Variants in CDCA7L observed in about 807,000 individuals in gnomAD.
CDCA7L encodes cell division cycle associated 7 like.
CDCA7L carries 44 observed loss-of-function variants against 57.4 expected under a neutral mutation model. That is an observed-to-expected ratio of 0.77 (90% CI 0.60 to 0.98). The LOEUF (loss-of-function observed/expected upper bound fraction) is 0.98, where lower values mean the gene tolerates loss of function less well. CDCA7L is among the 50% of genes least tolerant of loss of function. The pLI, the probability that CDCA7L is intolerant of heterozygous loss-of-function variation, is 0.00. For missense variants in CDCA7L, 644 were observed against 580.6 expected, an observed-to-expected ratio of 1.11 and a Z score of -1.12; for synonymous variants, 236 against 202.8, an observed-to-expected ratio of 1.16 and a Z score of -1.39.
rs887845189 is a variant in CDCA7L, at chr7:21,945,890, G to T, written c.-86C>A. 2.1e-6 allele frequency: 3 copies of T among 1,438,934 alleles called. No homozygotes were observed. The highest frequency in any genetic ancestry group is 3.0e-5 in the African/African-American group (2 of 66,952). 89.1% of individuals were successfully genotyped at this position (1,438,934 alleles called of 1,614,324 possible). On this transcript the variant is annotated 5_prime_UTR_variant, in exon 1 of 10. Coordinates refer to ENST00000406877, the MANE Select transcript of CDCA7L (RefSeq NM_018719.5). The stretch of plus-strand genomic sequence containing the variant: ...CGGCCCGGCGCACCAAGAACGCCCC[G>T]CGCCCGAGCAGCTAGCGCGCTCCGC...
intron 7 of CDCA7L, 128 bp from the exon 8 acceptor site, chr7:21,904,387 T>C: frequency 1.0e-6 from 1 of 970,486 alleles, no homozygotes; most frequent in Non-Finnish European, 1.4e-6. Flanking sequence ...AGCAGGACTG[T>C]TTTCCTAAGA....
chr7:21,933,300 G>C (rs1583873801), intron 1 of CDCA7L, among the ~76,000 whole-genome samples: 1 of 152,116 alleles, frequency 6.6e-6, no homozygotes. Context: ...CCATTACTGG[G>C]TTTATACCCA....
chr7:21,911,066 G>T (rs1785309935), intron 3 of CDCA7L, among the ~76,000 whole-genome samples: 1 of 115,328 alleles, frequency 8.7e-6, no homozygotes. Flanking sequence ...GTCTCGCTCT[G>T]TCACCCAGGC....
intron 3 of CDCA7L, 114 bp downstream of exon 3, chr7:21,911,503 T>C: frequency 7.6e-7 from 1 of 1,319,894 alleles, no homozygotes; most frequent in Non-Finnish European, 1.0e-6. Context: ...GCTTGTAAGA[T>C]AAATATGTAA....
intron 1 of CDCA7L, among the ~76,000 whole-genome samples, chr7:21,933,766 C>T (rs1382386517): frequency 6.6e-6 from 1 of 151,350 alleles, no homozygotes; most frequent in Non-Finnish European, 1.5e-5. Context: ...CAAACCTGCA[C>T]GTTCTGCACA....
chr7:21,931,704 T>C (rs1163300625), intron 1 of CDCA7L, among the ~76,000 whole-genome samples: 3 of 152,208 alleles, frequency 2.0e-5, no homozygotes, highest in African/African-American at 7.2e-5. Flanking sequence ...AGCATTCCCT[T>C]TGAAAACCAG....
At chr7:21,933,086 C>G (rs1224273785) in intron 1 of CDCA7L, among the ~76,000 whole-genome samples, 1 of 152,012 alleles carries the variant, frequency 6.6e-6, no homozygotes, top group African/African-American at 2.4e-5. Flanking sequence ...AAATGCAAAT[C>G]AAAACCACAA....
Position 21,917,770 on chromosome 7 carries a change from T to C in CDCA7L, c.25-876A>G, listed in dbSNP as rs112544037. Among the ~76,000 whole-genome samples the C allele has an allele frequency of 2.0e-3, 305 of 152,290 alleles. 2 individuals are homozygous for C. The highest frequency in any genetic ancestry group is 6.4e-3 in the African/African-American group (268 of 41,568). ...AACCTAATCCATATATTCCCACACA[T>C]TGATTAAAGTAATTTGCAAACATTG... is the stretch of plus-strand genomic sequence containing the variant. On this transcript the variant is annotated intron_variant, in intron 1 of 9. Coordinates refer to ENST00000406877, the MANE Select transcript of CDCA7L (RefSeq NM_018719.5).
In CDCA7L at chr7:21,904,205, G is replaced by C; in HGVS notation, c.1102C>G (p.Arg368Gly). 1.2e-6 allele frequency: 2 copies of C among 1,613,726 alleles called. No individual in the cohort carries two copies. The highest frequency in any genetic ancestry group is 1.7e-6 in the Non-Finnish European group (2 of 1,179,812). The change falls in exon 8 of 10, where the codon CGG (arginine) becomes GGG (glycine). Residue 368 changes from arginine to glycine, a missense_variant. Coordinates refer to ENST00000406877, the MANE Select transcript of CDCA7L (RefSeq NM_018719.5). Reference sequence around the variant, plus strand: ...CGCACACCACAGCAACCCTGGTTCCGACACACTGTCTTGGTGTCGATGGTC... The same window carrying C: ...CGCACACCACAGCAACCCTGGTTCCCACACACTGTCTTGGTGTCGATGGTC... ...QKTIDTKTVC[R>G]NQGCCGVRGQ...
intron 8 of CDCA7L, 60 bp from the exon 9 acceptor site, chr7:21,903,174 G>A (rs1293119245): frequency 1.3e-6 from 2 of 1,542,308 alleles, no homozygotes; most frequent in East Asian, 4.6e-5. Context: ...GCAAGAACTG[G>A]GATTCGGATC....
At position 21,901,761 on chromosome 7, in the gene CDCA7L, AGTGTCC is replaced by A; in HGVS notation, c.*555_*560del. The A allele has an allele frequency of 1.3e-4, 2 of 15,534 alleles. No individual in the cohort carries two copies. The highest frequency in any genetic ancestry group is 0.013 in the South Asian group (2 of 156). 1.0% of individuals were successfully genotyped at this position (15,534 alleles called of 1,614,324 possible). ...GAGGCTAGCACTCTGTAAGGCCTCC[AGTGTCC>A]AGTGTCTACAATGTTGATGGTCCCC... On this transcript the variant is annotated 3_prime_UTR_variant, in exon 10 of 10. Transcript: ENST00000406877.
At position 21,911,606 on chromosome 7, in the gene CDCA7L, G is replaced by C; in HGVS notation, c.303+11C>G. 2 of 1,606,162 alleles carry C rather than the reference G, an allele frequency of 1.2e-6. No homozygotes were observed. Among genetic ancestry groups the C allele is most frequent in the Non-Finnish European group, 1.7e-6 (2 of 1,177,726 alleles). On this transcript the variant is annotated intron_variant, in intron 3 of 9. Coordinates refer to ENST00000406877, the MANE Select transcript of CDCA7L (RefSeq NM_018719.5). The stretch of plus-strand genomic sequence containing the variant: ...GTTACCACCCACATCCCTTCCTGTT[G>C]TAATTATTACCATTACTTCTGGGTT...
At chr7:21,940,014 A>G (rs1786291484) in intron 1 of CDCA7L, among the ~76,000 whole-genome samples, 1 of 150,864 alleles carries the variant, frequency 6.6e-6, no homozygotes, top group South Asian at 2.1e-4. Flanking sequence ...TTACATGTCC[A>G]TCACAGGCCA....
chr7:21,905,637 C>G lies in CDCA7L; in HGVS notation c.922-6G>C, dbSNP rs1395932656. ...CTGTACTCCCGGCATTTCCCCTGCA[C>G]AATGAACACAAGCAGAACATGGAGA... On this transcript the variant is annotated splice_polypyrimidine_tract_variant and splice_region_variant and intron_variant, in intron 6 of 9. Transcript: ENST00000406877. 1.2e-6 allele frequency: 2 copies of G among 1,613,044 alleles called. No homozygotes were observed. Among genetic ancestry groups the G allele is most frequent in the East Asian group, 4.5e-5 (2 of 44,868 alleles).
Position 21,906,459 on chromosome 7 carries a change from G to A in CDCA7L, c.754-3C>T. 1.2e-6 allele frequency: 2 copies of A among 1,609,236 alleles called. No individual in the cohort carries two copies. Among genetic ancestry groups the A allele is most frequent in the Non-Finnish European group, 1.7e-6 (2 of 1,177,024 alleles). ...GCCCGCCTCACTGTCTTCTTCCTCTGAAATCAAGAGCACAGACAGAGACAA... is the reference window on the plus strand; with the variant it reads ...GCCCGCCTCACTGTCTTCTTCCTCTAAAATCAAGAGCACAGACAGAGACAA... On this transcript the variant is annotated splice_region_variant and splice_polypyrimidine_tract_variant and intron_variant, in intron 5 of 9. Coordinates refer to ENST00000406877, the MANE Select transcript of CDCA7L (RefSeq NM_018719.5).
chr7:21,944,682 G>C (rs1050256306), intron 1 of CDCA7L: 10 of 152,142 alleles, frequency 6.6e-5, no homozygotes, highest in African/African-American at 2.2e-4. Context: ...GCTACCGTTA[G>C]TGGCTCAGTC....
Position 21,916,740 on chromosome 7 carries a change from G to T in CDCA7L, c.165+14C>A. 6.2e-7 allele frequency: 1 copy of T among 1,612,688 alleles called. No homozygotes were observed. The highest frequency in any genetic ancestry group is 8.5e-7 in the Non-Finnish European group (1 of 1,178,956). ...TCCAGATGAACACATCTGCTTGGAA[G>T]GAATCATCCATACCTGTTTCCCTGA... is the stretch of plus-strand genomic sequence containing the variant. On this transcript the variant is annotated intron_variant, in intron 2 of 9. Transcript: ENST00000406877.
chr7:21,900,942 T>TAC lies in CDCA7L; in HGVS notation c.*1379_*1380insGT, dbSNP rs1784781151. ...TTGAATGTTTATTGCATCAAACAAC[T>TAC]TACTTGATCATTATCATTAGTAGCA... On this transcript the variant is annotated 3_prime_UTR_variant, in exon 10 of 10. Transcript: ENST00000406877. 1.2e-3 allele frequency: 22 copies of TAC among 18,926 alleles called. No individual in the cohort carries two copies. In the Non-Finnish European group the frequency reaches 0.02, roughly 17 times the overall value. The allele number at this position is 18,926 out of a possible 1,614,324, so 1.2% of individuals were successfully genotyped here.
intron 8 of CDCA7L, 161 bp downstream of exon 8, chr7:21,903,949 A>C: frequency 3.5e-6 from 2 of 576,890 alleles, no homozygotes; most frequent in Non-Finnish European, 2.8e-6. Flanking sequence ...TCCAGAAGGA[A>C]TCCCTATTTT....
Sources: allele counts gnomAD v4.1 joint callset (sites outside exome capture counted in the v4.1 genomes callset), GRCh38; gene constraint gnomAD v4.1.1; transcripts MANE v1.5; gene names NCBI Gene and HGNC (gene_info 2026-07-23, HGNC 2026-07-21).